Variants in EVA1C observed in about 807,000 individuals in gnomAD.
EVA1C encodes the protein protein eva-1 homolog C.
Under a neutral mutation model 45.4 loss-of-function variants are expected in EVA1C, and 25 were observed. The observed-to-expected ratio is 0.55, with a 90% confidence interval of 0.40 to 0.77. The LOEUF (loss-of-function observed/expected upper bound fraction) is 0.77, where lower values mean the gene tolerates loss of function less well. Among genes scored for constraint, EVA1C ranks in the 30% least tolerant of loss-of-function variants. EVA1C has a pLI of 0.00. For synonymous variants in EVA1C, 190 were observed against 221.2 expected, an observed-to-expected ratio of 0.86 and a Z score of 1.25; for missense variants, 479 against 554.8, an observed-to-expected ratio of 0.86 and a Z score of 1.37.
At chr21:32,495,581 A>C (rs1010326143) in intron 5 of EVA1C, among the ~76,000 whole-genome samples, 2 of 152,152 alleles carry the variant, frequency 1.3e-5, no homozygotes, top group African/African-American at 4.8e-5. Context: ...TTAGGCCCTA[A>C]ATGACTAACT....
At chr21:32,451,526 G>T (rs2005576) in intron 1 of EVA1C, among the ~76,000 whole-genome samples, 21,485 of 152,180 alleles carry the variant, frequency 0.14, 1,756 homozygotes, top group East Asian at 0.25. Flanking sequence ...AGTCTGACTG[G>T]CTGCCTGTCT....
At chr21:32,512,171 C>G (rs1293249323) in intron 7 of EVA1C, among the ~76,000 whole-genome samples, 1 of 152,080 alleles carries the variant, frequency 6.6e-6, no homozygotes, top group African/African-American at 2.4e-5. Flanking sequence ...GATGGGGAAG[C>G]ACAGGTTAGA....
Position 32,453,460 on chromosome 21 carries a change from C to T in EVA1C, c.309C>T (p.Ala103=). Residue 103 remains alanine (A), a synonymous_variant, in exon 2 of 8, where the codon GCC becomes GCT. Coordinates refer to ENST00000300255, the MANE Select transcript of EVA1C (RefSeq NM_058187.5). ...AAATGTGTAGTTCCCAGAAGCCTGC[C>T]TCCCAGAGGGAAGACAGCTTAACCT... ...DYQMCSSQKP[A]SQREDSLTCV... 1 of 1,611,340 alleles carries T rather than the reference C, an allele frequency of 6.2e-7. No individual in the cohort carries two copies. The highest frequency in any genetic ancestry group is 8.5e-7 in the Non-Finnish European group (1 of 1,179,312).
chr21:32,461,704 G>A (rs996490027), intron 3 of EVA1C, among the ~76,000 whole-genome samples: 6 of 152,178 alleles, frequency 3.9e-5, no homozygotes, highest in African/African-American at 9.7e-5. Context: ...GCCACTGATC[G>A]GGTTTATTTG....
intron 4 of EVA1C, among the ~76,000 whole-genome samples, chr21:32,489,689 A>C (rs2037090083): frequency 6.6e-6 from 1 of 152,236 alleles, no homozygotes; most frequent in African/African-American, 2.4e-5. Flanking sequence ...CACTTTGGGC[A>C]GTATGAACAC....
intron 1 of EVA1C, among the ~76,000 whole-genome samples, chr21:32,424,120 C>T (rs374985236): frequency 5.3e-5 from 8 of 152,166 alleles, no homozygotes; most frequent in African/African-American, 1.2e-4. Flanking sequence ...AAGGCCCATG[C>T]GATGCGTACT....
At chr21:32,500,229 T>C (rs1178121139) in intron 5 of EVA1C, among the ~76,000 whole-genome samples, 1 of 147,790 alleles carries the variant, frequency 6.8e-6, no homozygotes, top group African/African-American at 2.5e-5. Flanking sequence ...ATAGAGTCTT[T>C]CTCTGTCACC....
chr21:32,431,265 CA>C (rs1355010105), intron 1 of EVA1C, among the ~76,000 whole-genome samples: 1 of 152,220 alleles, frequency 6.6e-6, no homozygotes, highest in Non-Finnish European at 1.5e-5. Context: ...CAACGTCTCC[CA>C]TCTTATTAGT....
chr21:32,413,535 G>A (rs990363739), intron 1 of EVA1C, among the ~76,000 whole-genome samples: 1 of 152,236 alleles, frequency 6.6e-6, no homozygotes, highest in South Asian at 2.1e-4. Flanking sequence ...GAGATACTTA[G>A]ATAAGAGAGA....
At chr21:32,433,650 C>T (rs2034803751) in intron 1 of EVA1C, among the ~76,000 whole-genome samples, 1 of 152,212 alleles carries the variant, frequency 6.6e-6, no homozygotes, top group Admixed American at 6.5e-5. Context: ...GAAAACAACT[C>T]GTGGAGGTCG....
Position 32,416,224 on chromosome 21 carries a change from G to A in EVA1C, c.160+3211G>A, listed in dbSNP as rs2146093664. 2.0e-5 allele frequency among the ~76,000 whole-genome samples: 3 copies of A among 151,328 alleles called. No individual in the cohort carries two copies. In the South Asian group the frequency reaches 6.2e-4, roughly 31 times the overall value. ...TACTGTTTTGTGTGTGTGTGTGTGTGTGTGCTTCTAATTTGTGTTGTTTCT... is the reference window on the plus strand; with the variant it reads ...TACTGTTTTGTGTGTGTGTGTGTGTATGTGCTTCTAATTTGTGTTGTTTCT... On this transcript the variant is annotated intron_variant, in intron 1 of 7. Transcript: ENST00000300255.
At chr21:32,514,560 T>G (rs1444762133) in intron 7 of EVA1C, among the ~76,000 whole-genome samples, 9 of 152,004 alleles carry the variant, frequency 5.9e-5, no homozygotes, top group Non-Finnish European at 1.5e-5. Context: ...CTCAGAGGAG[T>G]CTGGCTCCTG....
At chr21:32,503,801 T>G in intron 6 of EVA1C, 125 bp from the exon 7 acceptor site, 1 of 626,100 alleles carries the variant, frequency 1.6e-6, no homozygotes, top group Non-Finnish European at 2.8e-6. Flanking sequence ...CAGAGGCCCA[T>G]TTGTTTGATT....
rs575900687 is a variant in EVA1C, at chr21:32,463,476, C to T, written c.482-4220C>T. On this transcript the variant is annotated intron_variant, in intron 3 of 7. Transcript: ENST00000300255. ...TGTCACTCTTATGTGGCAGTGAATTCGCACATTCCCAAGGAACCAAGTGAC... is the reference window on the plus strand; with the variant it reads ...TGTCACTCTTATGTGGCAGTGAATTTGCACATTCCCAAGGAACCAAGTGAC... 3.3e-5 allele frequency among the ~76,000 whole-genome samples: 5 copies of T among 152,300 alleles called. No individual in the cohort carries two copies. The South Asian group carries it at 6.2e-4, about 19-fold the overall frequency.
intron 1 of EVA1C, among the ~76,000 whole-genome samples, chr21:32,438,999 G>T (rs2035072042): frequency 6.6e-6 from 1 of 152,100 alleles, no homozygotes; most frequent in Non-Finnish European, 1.5e-5. Flanking sequence ...ACTTTGGGAG[G>T]CCAAGGCGGG....
Position 32,468,912 on chromosome 21 carries a change from C to T in EVA1C, c.634+1064C>T, listed in dbSNP as rs147933715. Among the ~76,000 whole-genome samples, 144 of 152,250 alleles carry T rather than the reference C, an allele frequency of 9.5e-4. 1 individual carries two copies. Among genetic ancestry groups the T allele is most frequent in the Middle Eastern group, 6.8e-3 (2 of 294 alleles). ...CACAGTAGGGTTATACACAGGGCGCCGTCTGAGTGGATTAGGGCCCTGGCT... is the reference window on the plus strand; with the variant it reads ...CACAGTAGGGTTATACACAGGGCGCTGTCTGAGTGGATTAGGGCCCTGGCT... On this transcript the variant is annotated intron_variant, in intron 4 of 7. Coordinates refer to ENST00000300255, the MANE Select transcript of EVA1C (RefSeq NM_058187.5).
intron 7 of EVA1C, among the ~76,000 whole-genome samples, chr21:32,505,923 T>TG (rs143572526): frequency 0.073 from 11,157 of 152,196 alleles, 451 homozygotes; most frequent in Non-Finnish European, 0.096. Flanking sequence ...TCTGATCCCC[T>TG]GTTCTGCACT....
At chr21:32,446,114 G>A (rs1372734988) in intron 1 of EVA1C, among the ~76,000 whole-genome samples, 7 of 152,110 alleles carry the variant, frequency 4.6e-5, no homozygotes, top group African/African-American at 1.7e-4. Context: ...GTGGTGGCAC[G>A]TGCCTGTAGT....
At chr21:32,487,157 C>T (rs1481155242) in intron 4 of EVA1C, among the ~76,000 whole-genome samples, 2 of 152,092 alleles carry the variant, frequency 1.3e-5, no homozygotes, top group Non-Finnish European at 2.9e-5. Context: ...TTTAACCACA[C>T]CTGAGTTTAC....
Sources: allele counts gnomAD v4.1 joint callset (sites outside exome capture counted in the v4.1 genomes callset), GRCh38; gene constraint gnomAD v4.1.1; transcripts MANE v1.5; gene names NCBI Gene and HGNC (gene_info 2026-07-23, HGNC 2026-07-21).